The following DCAF4 variants were observed in gnomAD, a reference collection of about 807,000 sequenced individuals.
DCAF4 encodes DDB1- and CUL4-associated factor 4.
Under a neutral mutation model 60.9 loss-of-function variants are expected in DCAF4, and 37 were observed. That is an observed-to-expected ratio of 0.61 (90% CI 0.47 to 0.80). The LOEUF (loss-of-function observed/expected upper bound fraction) is 0.80, where lower values mean the gene tolerates loss of function less well. Ranked by LOEUF, DCAF4 falls within the 30% of genes least tolerant of loss-of-function variation. The pLI is 0.00. For missense variants in DCAF4, 577 were observed against 650.0 expected (o/e 0.89, Z 1.22); for synonymous variants, 243 against 254.8 (o/e 0.95, Z 0.44).
chr14:72,956,262 A>G, intron 12 of DCAF4, 124 bp from the exon 13 acceptor site: 1 of 659,992 alleles, frequency 1.5e-6, no homozygotes, highest in East Asian at 3.0e-5. Flanking sequence ...CAAGAATTCG[A>G]GATGGAGATC....
At chr14:72,949,239 A>C (rs1891109337) in intron 8 of DCAF4, among the ~76,000 whole-genome samples, 2 of 152,206 alleles carry the variant, frequency 1.3e-5, no homozygotes. Context: ...GCTTGAGGCC[A>C]GGAGTTTGAG....
rs527837003 is a variant in DCAF4 at position 72,940,022 on chromosome 14, G to T, written c.193+120G>T. On this transcript the variant is annotated intron_variant, in intron 3 of 13. Transcript: ENST00000358377. Reference sequence around the variant, plus strand: ...AACACTCAGGGAAGGAGCTGGGTGCGTCAGGAATGGTGGTCATGAGGCAAA... The same window carrying T: ...AACACTCAGGGAAGGAGCTGGGTGCTTCAGGAATGGTGGTCATGAGGCAAA... 3 of 1,188,882 alleles carry T rather than the reference G, an allele frequency of 2.5e-6. No individual in the cohort carries two copies. In the Admixed American group the frequency reaches 7.4e-5, roughly 29 times the overall value. The allele number at this position is 1,188,882 out of a possible 1,614,324, so 73.6% of individuals were successfully genotyped here.
Position 72,953,729 on chromosome 14 carries a change from AAAAATAT to A in DCAF4, c.809-433_809-427del, listed in dbSNP as rs1462683664. 3.4e-4 allele frequency among the ~76,000 whole-genome samples: 14 copies of A among 40,782 alleles called. 1 individual carries two copies. In the South Asian group the frequency reaches 4.1e-3, roughly 12 times the overall value. The allele number at this position is 40,782 out of a possible 152,430, so 26.8% of individuals were successfully genotyped here. The stretch of plus-strand genomic sequence containing the variant: ...TGTCTTAAAAAAAAAAAAAAAAAAA[AAAAATAT>A]ATATATATATATATATATATATATA... On this transcript the variant is annotated intron_variant, in intron 9 of 13. Coordinates refer to ENST00000358377, the MANE Select transcript of DCAF4 (RefSeq NM_015604.4).
At chr14:72,933,193 A>T (rs561741158) in intron 1 of DCAF4, among the ~76,000 whole-genome samples, 2 of 152,304 alleles carry the variant, frequency 1.3e-5, no homozygotes, top group African/African-American at 4.8e-5. Flanking sequence ...ACATTGCCAG[A>T]TGTCCCCTGG....
chr14:72,951,586 G>C (rs922205348), intron 8 of DCAF4, among the ~76,000 whole-genome samples: 1 of 152,088 alleles, frequency 6.6e-6, no homozygotes, highest in Non-Finnish European at 1.5e-5. Context: ...ACCCCAGCCT[G>C]GGCAACAAGA....
At chr14:72,933,082 A>G (rs1204645593) in intron 1 of DCAF4, among the ~76,000 whole-genome samples, 1 of 152,174 alleles carries the variant, frequency 6.6e-6, no homozygotes, top group Non-Finnish European at 1.5e-5. Context: ...TGCCCTGCGC[A>G]TTGTAGGGTG....
Position 72,951,911 on chromosome 14 carries a change from C to T in DCAF4, c.808+34C>T, listed in dbSNP as rs1891466357. On this transcript the variant is annotated intron_variant, in intron 9 of 13. Transcript: ENST00000358377. ...TTCTCCTCCTTTAAAGAAATCTGTC[C>T]TCTGTCTCCCGAGAGCTGTGTGGGG... The T allele has an allele frequency of 4.3e-6, 7 of 1,610,534 alleles. No individual in the cohort carries two copies. The East Asian group carries it at 1.6e-4, about 36-fold the overall frequency.
At chr14:72,943,759 C>G (rs1465628464) in intron 6 of DCAF4, among the ~76,000 whole-genome samples, 2 of 152,148 alleles carry the variant, frequency 1.3e-5, no homozygotes, top group Non-Finnish European at 2.9e-5. Context: ...CCGGCAAGCC[C>G]TATCCTTCCT....
At chr14:72,960,090 G>A (rs1420760210), downstream of DCAF4, among the ~76,000 whole-genome samples, 2 of 151,898 alleles carry the variant, frequency 1.3e-5, no homozygotes, top group African/African-American at 4.8e-5. Context: ...AGGTAGACTC[G>A]CAGTTACCCA....
At chr14:72,960,145 A>G (rs897088191), downstream of DCAF4, among the ~76,000 whole-genome samples, 4 of 143,514 alleles carry the variant, frequency 2.8e-5, no homozygotes, top group Non-Finnish European at 4.5e-5. Flanking sequence ...AGCATATTCT[A>G]TAAAGAACCA....
At chr14:72,929,173 C>T (rs1165673771) in intron 1 of DCAF4, among the ~76,000 whole-genome samples, 1 of 151,092 alleles carries the variant, frequency 6.6e-6, no homozygotes, top group Non-Finnish European at 1.5e-5. Flanking sequence ...TGAGGCCAGG[C>T]CTGGAATGGT....
At chr14:72,957,203 T>C (rs1156572403) in intron 13 of DCAF4, 1 of 152,182 alleles carries the variant, frequency 6.6e-6, no homozygotes, top group Non-Finnish European at 1.5e-5. Flanking sequence ...AGAGCGAGAC[T>C]CCGTCTCAAA....
intron 9 of DCAF4, among the ~76,000 whole-genome samples, chr14:72,953,734 T>A (rs2806036): frequency 0.4 from 7,187 of 17,994 alleles, 1,819 homozygotes; most frequent in Non-Finnish European, 0.49. Context: ...AAAAAAAAAA[T>A]ATATATATAT....
At chr14:72,932,287 G>A (rs936349040) in intron 1 of DCAF4, among the ~76,000 whole-genome samples, 2 of 152,088 alleles carry the variant, frequency 1.3e-5, no homozygotes, top group African/African-American at 4.8e-5. Context: ...CACTGCACCC[G>A]GCCTTGACCT....
In DCAF4 at chr14:72,956,394, G is replaced by A; in HGVS notation, c.1188G>A (p.Leu396=). The A allele has an allele frequency of 6.2e-7, 1 of 1,607,930 alleles. No homozygotes were observed. Among genetic ancestry groups the A allele is most frequent in the Non-Finnish European group, 8.5e-7 (1 of 1,176,796 alleles). ...MASDMAGKIK[L]WDLRTTKCVR... Reference sequence around the variant, plus strand: ...TGGTGCTTTTTCCACAGATCAAGCTGTGGGACCTGAGGACCACGAAGTGCG... The same window carrying A: ...TGGTGCTTTTTCCACAGATCAAGCTATGGGACCTGAGGACCACGAAGTGCG... The change falls in exon 13 of 14, where the codon CTG becomes CTA. Residue 396 remains leucine, a synonymous_variant. Coordinates refer to ENST00000358377, the MANE Select transcript of DCAF4 (RefSeq NM_015604.4).
intron 6 of DCAF4, among the ~76,000 whole-genome samples, chr14:72,944,948 G>T (rs1441174094): frequency 6.6e-6 from 1 of 152,126 alleles, no homozygotes; most frequent in African/African-American, 2.4e-5. Flanking sequence ...AATCAGCTGG[G>T]TGTGGTGGTG....
chr14:72,954,523 C>T, intron 11 of DCAF4, 40 bp downstream of exon 11: 2 of 1,600,014 alleles, frequency 1.2e-6, no homozygotes, highest in South Asian at 1.1e-5. Flanking sequence ...AAAGTTTGCC[C>T]CATGTAGAAA....
chr14:72,946,301 G>T (rs1890737844), intron 7 of DCAF4, among the ~76,000 whole-genome samples: 1 of 151,972 alleles, frequency 6.6e-6, no homozygotes, highest in African/African-American at 2.4e-5. Context: ...GGCTCGGGGG[G>T]AGGTGAGGTG....
At chr14:72,958,552 T>C in intron 13 of DCAF4, 60 bp from the exon 14 acceptor site, 6 of 1,594,860 alleles carry the variant, frequency 3.8e-6, no homozygotes, top group Non-Finnish European at 5.2e-6. Context: ...TGTCCACATG[T>C]AGGTAAGTTT....
Sources: gnomAD v4.1 joint callset for allele counts (sites outside exome capture counted in the v4.1 genomes callset) on GRCh38, gnomAD v4.1.1 for gene constraint, MANE v1.5 for transcripts, NCBI Gene and HGNC (gene_info 2026-07-23, HGNC 2026-07-21) for gene names.